GPHN: variants seen among roughly 807,000 people sequenced by gnomAD.
GPHN encodes gephyrin.
Under a neutral mutation model 95.5 loss-of-function variants are expected in GPHN, and 17 were observed. The ratio of observed to expected loss-of-function variants is 0.18; its 90% CI spans 0.12 to 0.27. GPHN has a LOEUF of 0.27. Ranked by LOEUF, GPHN falls within the 10% of genes least tolerant of loss-of-function variation. The pLI, the probability that GPHN is intolerant of heterozygous loss-of-function variation, is 1.00. For synonymous variants in GPHN, 320 were observed against 322.5 expected, an observed-to-expected ratio of 0.99 and a Z score of 0.08; for missense variants, 660 against 978.1, an observed-to-expected ratio of 0.67 and a Z score of 4.34.
chr14:66,771,579 T>C (rs905330919), intron 2 of GPHN, among the ~76,000 whole-genome samples: 2 of 149,608 alleles, frequency 1.3e-5, no homozygotes, highest in African/African-American at 4.9e-5. Context: ...AAAATTGCAA[T>C]TTTTTTTTAT....
At chr14:67,105,790 C>T (rs1185577792) in intron 13 of GPHN, among the ~76,000 whole-genome samples, 1 of 151,976 alleles carries the variant, frequency 6.6e-6, no homozygotes, top group Non-Finnish European at 1.5e-5. Context: ...TTCAGCTTGT[C>T]TGTATCTTTT....
At chr14:67,236,370 A>C in the GPHN span, among the ~76,000 whole-genome samples, 1 of 152,208 alleles carries the variant, frequency 6.6e-6, no homozygotes, top group South Asian at 2.1e-4. Context: ...CTCCTGGTAT[A>C]AGACCTTTTC....
intron 3 of GPHN, among the ~76,000 whole-genome samples, chr14:66,818,764 G>A (rs1218718732): frequency 6.6e-6 from 1 of 152,064 alleles, no homozygotes; most frequent in Non-Finnish European, 1.5e-5. Flanking sequence ...GCCAGTATCT[G>A]TTATTATTTG....
intron 10 of GPHN, among the ~76,000 whole-genome samples, chr14:67,040,877 C>T: frequency 6.6e-6 from 1 of 152,082 alleles, no homozygotes; most frequent in East Asian, 1.9e-4. Context: ...GATCACTTGG[C>T]TAAAAGGGTG....
the GPHN span, among the ~76,000 whole-genome samples, chr14:67,197,924 C>T: frequency 6.6e-6 from 1 of 152,284 alleles, no homozygotes; most frequent in African/African-American, 2.4e-5. Context: ...TTTTGGCTTG[C>T]TTACTACCTG....
chr14:67,621,102 C>A, the GPHN span: 1 of 797,396 alleles, frequency 1.3e-6, no homozygotes, highest in Non-Finnish European at 2.1e-6. Flanking sequence ...CTTTGGATTC[C>A]GTCTGCGGCT....
At chr14:67,490,768 GT>G in the GPHN span, among the ~76,000 whole-genome samples, 3 of 151,894 alleles carry the variant, frequency 2.0e-5, no homozygotes, top group Non-Finnish European at 4.4e-5. Flanking sequence ...TACTACCTCT[GT>G]TTTTTTACCC....
chr14:67,735,045 G>A, the GPHN span: 7 of 661,732 alleles, frequency 1.1e-5, no homozygotes, highest in East Asian at 1.9e-4. Flanking sequence ...CAGATTATTA[G>A]ATGCACTTAC....
chr14:66,838,660 A>T (rs975792302), intron 4 of GPHN, among the ~76,000 whole-genome samples: 32 of 152,190 alleles, frequency 2.1e-4, no homozygotes, highest in African/African-American at 7.7e-4. Context: ...TGCTAAAAGT[A>T]TATTTATCTA....
At chr14:67,654,422 T>C in the GPHN span, among the ~76,000 whole-genome samples, 1 of 152,164 alleles carries the variant, frequency 6.6e-6, no homozygotes, top group Admixed American at 6.5e-5. Context: ...AAATTACAGG[T>C]GTAAGCCCGG....
chr14:67,597,965 G>A, the GPHN span, among the ~76,000 whole-genome samples: 6 of 151,618 alleles, frequency 4.0e-5, no homozygotes, highest in Admixed American at 6.6e-5. Context: ...AGGAATGAAG[G>A]GATGAAGAAC....
intron 10 of GPHN, among the ~76,000 whole-genome samples, chr14:67,043,930 A>C (rs1484676142): frequency 6.6e-6 from 1 of 152,172 alleles, no homozygotes; most frequent in Non-Finnish European, 1.5e-5. Flanking sequence ...CAGGGATTCA[A>C]CTTCTTCCTG....
At chr14:66,760,845 G>A (rs1025961193) in intron 2 of GPHN, 30 of 603,566 alleles carry the variant, frequency 5.0e-5, no homozygotes, top group Non-Finnish European at 7.0e-5. Context: ...AATGCCAAGC[G>A]AAATTTATAA....
chr14:67,695,787 T>A, the GPHN span: 5 of 1,325,380 alleles, frequency 3.8e-6, no homozygotes, highest in Non-Finnish European at 4.3e-6. Context: ...ACGCCCCAAT[T>A]CAAATTGCGA....
intron 5 of GPHN, among the ~76,000 whole-genome samples, chr14:66,882,817 A>T (rs1427066746): frequency 6.6e-6 from 1 of 151,306 alleles, no homozygotes; most frequent in Non-Finnish European, 1.5e-5. Flanking sequence ...TTTTCACTAG[A>T]TACAGAAATC....
chr14:67,134,953 C>CTTTTTT (rs57933607), intron 17 of GPHN, among the ~76,000 whole-genome samples: 39 of 45,242 alleles, frequency 8.6e-4, no homozygotes, highest in Non-Finnish European at 1.2e-3. Context: ...TTTCTTTCTT[C>CTTTTTT]TTTTTTTTTT....
At chr14:67,188,586 G>A in the GPHN span, among the ~76,000 whole-genome samples, 1 of 152,202 alleles carries the variant, frequency 6.6e-6, no homozygotes, top group African/African-American at 2.4e-5. Context: ...GGTATGACCA[G>A]AGGAAGAATT....
intron 8 of GPHN, among the ~76,000 whole-genome samples, chr14:66,951,911 A>G (rs1407682386): frequency 1.3e-5 from 2 of 152,216 alleles, no homozygotes; most frequent in Non-Finnish European, 2.9e-5. Flanking sequence ...AATCAACTCC[A>G]GGTGTATTAG....
At chr14:67,310,167 CTG>C in the GPHN span, among the ~76,000 whole-genome samples, 1 of 151,896 alleles carries the variant, frequency 6.6e-6, no homozygotes, top group African/African-American at 2.4e-5. Flanking sequence ...AATCTCTTAA[CTG>C]TGTTTTGATT....
Sources: allele counts gnomAD v4.1 joint callset (sites outside exome capture counted in the v4.1 genomes callset), GRCh38; gene constraint gnomAD v4.1.1; transcripts MANE v1.5; gene names NCBI Gene and HGNC (gene_info 2026-07-23, HGNC 2026-07-21).